MAPKAP1: variants seen among roughly 807,000 people sequenced by gnomAD.
The protein encoded by MAPKAP1 is target of rapamycin complex 2 subunit MAPKAP1.
A neutral mutation model predicts 65.7 loss-of-function variants in MAPKAP1; 20 were observed. That is an observed-to-expected ratio of 0.30 (90% CI 0.21 to 0.44). The LOEUF is 0.44. Ranked by LOEUF, MAPKAP1 falls within the 20% of genes least tolerant of loss-of-function variation. The pLI is 1.00. For missense variants in MAPKAP1, 423 were observed against 648.0 expected, an observed-to-expected ratio of 0.65 and a Z score of 3.77; for synonymous variants, 222 against 244.3, an observed-to-expected ratio of 0.91 and a Z score of 0.85.
intron 9 of MAPKAP1, among the ~76,000 whole-genome samples, chr9:125,474,652 A>T (rs1854039253): frequency 6.6e-6 from 1 of 152,166 alleles, no homozygotes; most frequent in South Asian, 2.1e-4. Flanking sequence ...TGGGAGGTAC[A>T]ACCTCCCCTA....
chr9:125,632,887 A>C (rs1467247218), intron 4 of MAPKAP1, among the ~76,000 whole-genome samples: 1 of 152,230 alleles, frequency 6.6e-6, no homozygotes, highest in Non-Finnish European at 1.5e-5. Flanking sequence ...GCGTGCAAGA[A>C]TACTATGCAA....
At chr9:125,653,071 T>C (rs1264909570) in intron 4 of MAPKAP1, among the ~76,000 whole-genome samples, 1 of 152,216 alleles carries the variant, frequency 6.6e-6, no homozygotes, top group Non-Finnish European at 1.5e-5. Flanking sequence ...GTTTCCTATG[T>C]GCTACACGTC....
intron 5 of MAPKAP1, among the ~76,000 whole-genome samples, chr9:125,578,056 C>G (rs1372323552): frequency 6.6e-6 from 1 of 151,998 alleles, no homozygotes; most frequent in African/African-American, 2.4e-5. Flanking sequence ...AAGAGGTAGA[C>G]ACGGGAGACT....
At chr9:125,632,141 G>A (rs972170174) in intron 4 of MAPKAP1, among the ~76,000 whole-genome samples, 1 of 151,048 alleles carries the variant, frequency 6.6e-6, no homozygotes, top group Non-Finnish European at 1.5e-5. Flanking sequence ...AGAATCACTT[G>A]AACCCAGGAG....
intron 4 of MAPKAP1, among the ~76,000 whole-genome samples, chr9:125,644,278 C>T (rs934254628): frequency 2.0e-5 from 3 of 152,034 alleles, no homozygotes; most frequent in African/African-American, 4.8e-5. Flanking sequence ...AAGTTATTTT[C>T]ATTAAAGATG....
At chr9:125,477,040 C>T (rs1854137034) in intron 9 of MAPKAP1, among the ~76,000 whole-genome samples, 1 of 152,136 alleles carries the variant, frequency 6.6e-6, no homozygotes, top group Admixed American at 6.6e-5. Flanking sequence ...AAAGAACTAC[C>T]ATAATCACAA....
chr9:125,703,885 A>G (rs1420057356), intron 1 of MAPKAP1, among the ~76,000 whole-genome samples: 1 of 152,202 alleles, frequency 6.6e-6, no homozygotes, highest in Non-Finnish European at 1.5e-5. Flanking sequence ...GATTGCCAGC[A>G]AATTATCTTA....
chr9:125,614,754 G>A (rs1832697645), intron 4 of MAPKAP1, among the ~76,000 whole-genome samples: 1 of 152,170 alleles, frequency 6.6e-6, no homozygotes, highest in Admixed American at 6.5e-5. Flanking sequence ...AATAATTATT[G>A]TAGCTAACTA....
intron 4 of MAPKAP1, among the ~76,000 whole-genome samples, chr9:125,588,394 AT>A (rs1831853776): frequency 6.6e-6 from 1 of 152,200 alleles, no homozygotes; most frequent in Non-Finnish European, 1.5e-5. Context: ...TTGGCAGAAG[AT>A]GACGGGGTGG....
chr9:125,456,181 G>A (rs937188787), intron 10 of MAPKAP1, among the ~76,000 whole-genome samples: 7 of 151,860 alleles, frequency 4.6e-5, no homozygotes, highest in African/African-American at 1.2e-4. Flanking sequence ...TCTCTTTATC[G>A]CTGGTTCTCA....
At chr9:125,524,612 G>A (rs528188144) in intron 7 of MAPKAP1, among the ~76,000 whole-genome samples, 1 of 152,364 alleles carries the variant, frequency 6.6e-6, no homozygotes, top group Admixed American at 6.5e-5. Context: ...AATGGCAGAA[G>A]AGGAGACGTG....
At chr9:125,622,808 C>T (rs1303775377) in intron 4 of MAPKAP1, among the ~76,000 whole-genome samples, 1 of 149,446 alleles carries the variant, frequency 6.7e-6, no homozygotes, top group African/African-American at 2.5e-5. Context: ...CTCCCCTCTC[C>T]CCTCTCCCCT....
At chr9:125,659,406 C>T (rs1434909792) in intron 3 of MAPKAP1, among the ~76,000 whole-genome samples, 1 of 152,192 alleles carries the variant, frequency 6.6e-6, no homozygotes, top group African/African-American at 2.4e-5. Flanking sequence ...CTCAGACATT[C>T]ACACTCAGAC....
At chr9:125,660,162 T>C (rs1166828444) in intron 3 of MAPKAP1, among the ~76,000 whole-genome samples, 3 of 152,188 alleles carry the variant, frequency 2.0e-5, no homozygotes, top group Non-Finnish European at 4.4e-5. Context: ...CTTCTCAATC[T>C]ACATTCACGC....
rs1359096737 is a variant in MAPKAP1 at position 125,521,833 on chromosome 9, G to A, written c.959-15416C>T. The stretch of plus-strand genomic sequence containing the variant: ...ATCTTCAACCTTCTCTGAGCTACAT[G>A]AAAGTGGTGACTCCAACCTGAGTCA... On this transcript the variant is annotated intron_variant, in intron 7 of 11. Transcript: ENST00000265960. 7 of 1,502,522 alleles carry A rather than the reference G, an allele frequency of 4.7e-6. No homozygotes were observed. The African/African-American group carries it at 5.5e-5, about 12-fold the overall frequency. The allele number at this position is 1,502,522 out of a possible 1,614,324, so 93.1% of individuals were successfully genotyped here.
intron 2 of MAPKAP1, 111 bp downstream of exon 2, chr9:125,672,205 A>G: frequency 8.2e-7 from 1 of 1,223,650 alleles, no homozygotes; most frequent in Admixed American, 2.1e-5. Flanking sequence ...GCATGTTCCT[A>G]TTAATACCCG....
chr9:125,505,450 C>G (rs1829111888), intron 8 of MAPKAP1, among the ~76,000 whole-genome samples: 1 of 152,090 alleles, frequency 6.6e-6, no homozygotes, highest in South Asian at 2.1e-4. Flanking sequence ...TGAGACCAGC[C>G]TGGCCAATGC....
chr9:125,521,803 C>T (rs1829625891), intron 7 of MAPKAP1: 10 of 1,593,544 alleles, frequency 6.3e-6, no homozygotes, highest in Non-Finnish European at 7.7e-6. Context: ...AATGAGACTT[C>T]ATTTATCTTC....
chr9:125,671,198 T>C (rs1464841432), intron 2 of MAPKAP1, among the ~76,000 whole-genome samples: 1 of 152,238 alleles, frequency 6.6e-6, no homozygotes, highest in African/African-American at 2.4e-5. Flanking sequence ...TCAATGGTTC[T>C]AAATTATATT....
Sources: allele counts gnomAD v4.1 joint callset (sites outside exome capture counted in the v4.1 genomes callset), GRCh38; gene constraint gnomAD v4.1.1; transcripts MANE v1.5; gene names NCBI Gene and HGNC (gene_info 2026-07-23, HGNC 2026-07-21).